Variants in PDE7B observed in about 807,000 individuals in gnomAD.
PDE7B encodes 3',5'-cyclic-AMP phosphodiesterase 7B.
A neutral mutation model predicts 56.2 loss-of-function variants in PDE7B; 29 were observed. The ratio of observed to expected loss-of-function variants is 0.52; its 90% confidence interval spans 0.38 to 0.70. The LOEUF (loss-of-function observed/expected upper bound fraction) is 0.70. Among genes scored for constraint, PDE7B ranks in the 30% least tolerant of loss-of-function variants. The pLI is 0.00. For synonymous variants in PDE7B, 197 were observed against 196.9 expected (o/e 1.00, Z 0.00); for missense variants, 490 against 565.0 (o/e 0.87, Z 1.35).
chr6:135,981,600 G>A (rs1450651362), intron 2 of PDE7B, among the ~76,000 whole-genome samples: 1 of 149,276 alleles, frequency 6.7e-6, no homozygotes, highest in African/African-American at 2.5e-5. Context: ...CCCTGGGTAG[G>A]CCTAGGGTCA....
chr6:135,896,741 A>G (rs765851234), intron 1 of PDE7B, among the ~76,000 whole-genome samples: 14 of 152,136 alleles, frequency 9.2e-5, no homozygotes, highest in Non-Finnish European at 1.8e-4. Flanking sequence ...TCCCAAGTCA[A>G]TGTTCAACGC....
At chr6:136,008,007 C>T (rs1775818849) in intron 2 of PDE7B, among the ~76,000 whole-genome samples, 1 of 150,862 alleles carries the variant, frequency 6.6e-6, no homozygotes, top group Admixed American at 6.6e-5. Flanking sequence ...CAACAGGCCC[C>T]AGAGTGTGAT....
intron 1 of PDE7B, among the ~76,000 whole-genome samples, chr6:135,915,346 T>C (rs1773887346): frequency 6.6e-6 from 1 of 152,206 alleles, no homozygotes; most frequent in African/African-American, 2.4e-5. Context: ...TGTTTACCTT[T>C]ATATAAAACT....
chr6:136,117,069 C>T (rs1444761134), intron 3 of PDE7B: 1 of 152,176 alleles, frequency 6.6e-6, no homozygotes, highest in African/African-American at 2.4e-5. Context: ...TGCTAACTCA[C>T]CTGAACACAG....
intron 12 of PDE7B, 122 bp from the exon 13 acceptor site, chr6:136,191,492 C>T: frequency 1.2e-6 from 1 of 800,734 alleles, no homozygotes; most frequent in African/African-American, 1.7e-5. Flanking sequence ...CATGGGGAAA[C>T]CCCATCTCTA....
chr6:135,881,192 A>G (rs1243466597), intron 1 of PDE7B, among the ~76,000 whole-genome samples: 2 of 152,040 alleles, frequency 1.3e-5, no homozygotes, highest in South Asian at 2.1e-4. Context: ...TGGAATCACA[A>G]TGATGTATAA....
Position 135,897,785 on chromosome 6 carries a change from C to T in PDE7B, c.21+45766C>T, listed in dbSNP as rs72971667. 8.0e-3 allele frequency among the ~76,000 whole-genome samples: 1,213 copies of T among 152,296 alleles called. 3 individuals carry two copies. The highest frequency in any genetic ancestry group is 0.014 in the Non-Finnish European group (924 of 68,026). On this transcript the variant is annotated intron_variant, in intron 1 of 12. Transcript: ENST00000308191. ...TTCAGTACCATGACTTACCAGTATT[C>T]GTTCACAGTGGTTTAAACATGTAAG...
At chr6:135,930,065 G>A (rs1057221008) in intron 1 of PDE7B, among the ~76,000 whole-genome samples, 1 of 152,162 alleles carries the variant, frequency 6.6e-6, no homozygotes, top group East Asian at 1.9e-4. Flanking sequence ...AGACATACCC[G>A]AGACTGGGCA....
rs538157011 is a variant in PDE7B at position 135,990,921 on chromosome 6, T to C, written c.82+43397T>C. ...GAAGGCTGCTAGTTGCCCATTTTTA[T>C]GGTTATCTCTTAATTATATGCTAAA... On this transcript the variant is annotated intron_variant, in intron 2 of 12. Coordinates refer to ENST00000308191, the MANE Select transcript of PDE7B (RefSeq NM_018945.4). 1.2e-4 allele frequency among the ~76,000 whole-genome samples: 18 copies of C among 152,382 alleles called. No individual in the cohort carries two copies. In the South Asian group the frequency reaches 3.7e-3, roughly 32 times the overall value.
At chr6:136,133,590 C>T (rs1295395490) in intron 3 of PDE7B, among the ~76,000 whole-genome samples, 1 of 152,160 alleles carries the variant, frequency 6.6e-6, no homozygotes, top group Non-Finnish European at 1.5e-5. Context: ...GAACAGCTTA[C>T]ACTTCAATAA....
intron 2 of PDE7B, among the ~76,000 whole-genome samples, chr6:136,009,921 G>A (rs1180091711): frequency 6.6e-6 from 1 of 152,080 alleles, no homozygotes; most frequent in Non-Finnish European, 1.5e-5. Flanking sequence ...CTGATCTTTT[G>A]AATGGTTTTT....
At chr6:136,021,723 T>TC (rs1477341929) in intron 2 of PDE7B, among the ~76,000 whole-genome samples, 6 of 152,208 alleles carry the variant, frequency 3.9e-5, no homozygotes, top group African/African-American at 1.4e-4. Context: ...CATCATTTCT[T>TC]CTTTCTTGAA....
chr6:136,171,921 AATG>A (rs1778890056), intron 8 of PDE7B, among the ~76,000 whole-genome samples: 2 of 151,696 alleles, frequency 1.3e-5, no homozygotes, highest in East Asian at 3.9e-4. Context: ...GTTTACTGAG[AATG>A]ATGATTTCCA....
chr6:136,038,185 TAGCAGCAGC>T lies in PDE7B; in HGVS notation c.83-70534_83-70526del, dbSNP rs150803314. On this transcript the variant is annotated intron_variant, in intron 2 of 12. Coordinates refer to ENST00000308191, the MANE Select transcript of PDE7B (RefSeq NM_018945.4). ...TGCCTGGGAAGAATTTCCCCTGTGG[TAGCAGCAGC>T]AGCAGCAGCAGAAGCAGAAACAGCA... 16 of 1,285,732 alleles carry T rather than the reference TAGCAGCAGC, an allele frequency of 1.2e-5. No homozygotes were observed. In the East Asian group the frequency reaches 2.7e-4, roughly 22 times the overall value. The allele number at this position is 1,285,732 out of a possible 1,614,324, so 79.6% of individuals were successfully genotyped here.
chr6:135,950,268 G>T (rs1774675589), intron 2 of PDE7B, among the ~76,000 whole-genome samples: 1 of 152,068 alleles, frequency 6.6e-6, no homozygotes, highest in Admixed American at 6.6e-5. Context: ...AACACAAAAA[G>T]CACCTCTTCA....
chr6:135,908,439 C>A (rs1776155141), intron 1 of PDE7B, among the ~76,000 whole-genome samples: 1 of 151,892 alleles, frequency 6.6e-6, no homozygotes, highest in Non-Finnish European at 1.5e-5. Flanking sequence ...TCCTTAGAAA[C>A]TATTGTCATC....
At position 136,017,140 on chromosome 6, in the gene PDE7B, A is replaced by G. The variant is rs185040094; in HGVS notation, c.82+69616A>G. 1.2e-4 allele frequency among the ~76,000 whole-genome samples: 18 copies of G among 152,354 alleles called. No homozygotes were observed. In the East Asian group the frequency reaches 3.3e-3, roughly 28 times the overall value. On this transcript the variant is annotated intron_variant, in intron 2 of 12. Coordinates refer to ENST00000308191, the MANE Select transcript of PDE7B (RefSeq NM_018945.4). ...AAGTACAGTAATTGATATCATCATA[A>G]GGTCATTTAGATTATTAAACAGGAG... is the stretch of plus-strand genomic sequence containing the variant.
At chr6:136,105,755 C>G (rs1562494275) in intron 2 of PDE7B, among the ~76,000 whole-genome samples, 1 of 152,140 alleles carries the variant, frequency 6.6e-6, no homozygotes, top group Non-Finnish European at 1.5e-5. Flanking sequence ...AGTACAGGAG[C>G]CCCCAAGTTC....
intron 2 of PDE7B, among the ~76,000 whole-genome samples, chr6:136,093,243 T>C (rs960542725): frequency 1.3e-5 from 2 of 152,224 alleles, no homozygotes; most frequent in Non-Finnish European, 2.9e-5. Flanking sequence ...AATTAATATA[T>C]GACCCAGTCA....
Sources: gnomAD v4.1 joint callset for allele counts (sites outside exome capture counted in the v4.1 genomes callset) on GRCh38, gnomAD v4.1.1 for gene constraint, MANE v1.5 for transcripts, NCBI Gene and HGNC (gene_info 2026-07-23, HGNC 2026-07-21) for gene names.